Variants in MAGOHB observed in about 807,000 individuals in gnomAD.
MAGOHB encodes the protein protein mago nashi homolog 2.
Under a neutral mutation model 20.9 loss-of-function variants are expected in MAGOHB, and 15 were observed. That is an observed-to-expected ratio of 0.72 (90% CI 0.48 to 1.11). The LOEUF (loss-of-function observed/expected upper bound fraction) is 1.11. Among genes scored for constraint, MAGOHB ranks in the 50% least tolerant of loss-of-function variants. MAGOHB has a pLI of 0.00. For synonymous variants in MAGOHB, 50 were observed against 57.9 expected (o/e 0.86, Z 0.62); for missense variants, 162 against 177.6 (o/e 0.91, Z 0.50).
chr12:10,613,186 G>A (rs1865780664), intron 1 of MAGOHB, among the ~76,000 whole-genome samples: 1 of 152,190 alleles, frequency 6.6e-6, no homozygotes, highest in African/African-American at 2.4e-5. Flanking sequence ...CGACGATCTA[G>A]AGTCCCTTCT....
At chr12:10,610,531 G>A (rs975823854) in intron 2 of MAGOHB, 91 bp downstream of exon 2, 4 of 1,333,112 alleles carry the variant, frequency 3.0e-6, no homozygotes, top group African/African-American at 3.4e-5. Flanking sequence ...AGCCTTAGAT[G>A]TACTTTTTTA....
chr12:10,613,521 A>G lies in MAGOHB; in HGVS notation c.12T>C (p.Ala4=). 2 of 1,613,808 alleles carry G rather than the reference A, an allele frequency of 1.2e-6. No homozygotes were observed. The highest frequency in any genetic ancestry group is 8.5e-7 in the Non-Finnish European group (1 of 1,179,714). The change falls in exon 1 of 5, where the codon GCT becomes GCC. Residue 4 remains alanine, a synonymous_variant. Coordinates refer to ENST00000320756, the MANE Select transcript of MAGOHB (RefSeq NM_018048.5). ...CGTAGTAGCGCAGGTAGAAATCGCT[A>G]GCCACAGCCATTTTTGTACCCGGGA... is the stretch of plus-strand genomic sequence containing the variant. MAV[A]SDFYLRYYVG...
downstream of MAGOHB, among the ~76,000 whole-genome samples, chr12:10,601,544 T>C (rs948478872): frequency 1.3e-5 from 2 of 152,202 alleles, no homozygotes; most frequent in African/African-American, 4.8e-5. Context: ...GCAAGTTACT[T>C]CATTTCTCTA....
intron 1 of MAGOHB, among the ~76,000 whole-genome samples, chr12:10,611,747 CAAAAAAAAAAAAAAAAAAAAA>C (rs1042294332): frequency 1.4e-4 from 4 of 27,686 alleles, no homozygotes; most frequent in Non-Finnish European, 2.9e-4. Flanking sequence ...GACTCTGTCT[CAAAAAAAAAAAAAAAAAAAAA>C]AAAAAAAGAA....
At chr12:10,600,458 A>T (rs1865543662), downstream of MAGOHB, among the ~76,000 whole-genome samples, 1 of 152,074 alleles carries the variant, frequency 6.6e-6, no homozygotes, top group Admixed American at 6.5e-5. Flanking sequence ...ATATGTATTT[A>T]AAGAACTCTA....
downstream of MAGOHB, among the ~76,000 whole-genome samples, chr12:10,603,732 C>T (rs1322262610): frequency 6.6e-6 from 1 of 152,202 alleles, no homozygotes; most frequent in Non-Finnish European, 1.5e-5. Flanking sequence ...ATACGGAAGT[C>T]AGCCAAGGCA....
At chr12:10,602,364 C>T (rs1043985893), downstream of MAGOHB, among the ~76,000 whole-genome samples, 9 of 152,194 alleles carry the variant, frequency 5.9e-5, no homozygotes, top group Admixed American at 2.0e-4. Context: ...CAGAATGAAA[C>T]TGACGACGGG....
intron 3 of MAGOHB, 81 bp from the exon 4 acceptor site, chr12:10,608,017 A>G (rs1865659826): frequency 1.2e-6 from 1 of 820,168 alleles, no homozygotes; most frequent in Non-Finnish European, 1.9e-6. Context: ...AGCAGATCCC[A>G]ATTTTAGTTG....
chr12:10,606,665 C>T (rs1865635247), intron 4 of MAGOHB, among the ~76,000 whole-genome samples: 1 of 151,738 alleles, frequency 6.6e-6, no homozygotes, highest in South Asian at 2.1e-4. Context: ...TACTGTAATG[C>T]TACCATTTCA....
rs1865607682 is a variant in MAGOHB, at chr12:10,605,352, C to T, written c.*923G>A. On this transcript the variant is annotated 3_prime_UTR_variant, in exon 5 of 5. Transcript: ENST00000320756. Reference sequence around the variant, plus strand: ...TATTCCACCCAAAATTCAGTGCTAACTTGTTCCTAGGGCAAGTGGATTATA... The same window carrying T: ...TATTCCACCCAAAATTCAGTGCTAATTTGTTCCTAGGGCAAGTGGATTATA... 6.6e-6 allele frequency: 1 copy of T among 152,162 alleles called. No homozygotes were observed. The highest frequency in any genetic ancestry group is 2.4e-5 in the African/African-American group (1 of 41,440). The allele number at this position is 152,162 out of a possible 1,614,324, so 9.4% of individuals were successfully genotyped here.
chr12:10,613,501 T>C lies in MAGOHB; in HGVS notation c.32A>G (p.Tyr11Cys), dbSNP rs1865790983. MAVASDFYLR[Y>C]YVGHKGKFGH... ...AAACTTGCCCTTGTGCCCTACGTAG[T>C]AGCGCAGGTAGAAATCGCTAGCCAC... The change falls in exon 1 of 5, where the codon TAC (tyrosine) becomes TGC (cysteine). Residue 11 changes from tyrosine (Y) to cysteine (C), a missense_variant. Physicochemically the swap from Tyr to Cys is radical, Grantham distance 194. Transcript: ENST00000320756. 2 of 1,613,724 alleles carry C rather than the reference T, an allele frequency of 1.2e-6. No homozygotes were observed. Among genetic ancestry groups the C allele is most frequent in the Non-Finnish European group, 1.7e-6 (2 of 1,179,800 alleles).
intron 1 of MAGOHB, 89 bp from the exon 2 acceptor site, chr12:10,610,769 T>G (rs534308699): frequency 8.6e-7 from 1 of 1,157,782 alleles, no homozygotes; most frequent in Admixed American, 2.8e-5. Context: ...AAAGACCATT[T>G]TATACTACTA....
At chr12:10,610,598 A>T in intron 2 of MAGOHB, 24 bp downstream of exon 2, 1 of 1,388,838 alleles carries the variant, frequency 7.2e-7, no homozygotes, top group Non-Finnish European at 9.5e-7. Flanking sequence ...AAAAAAAAAA[A>T]AAAGACATTC....
At chr12:10,607,465 A>AT (rs573091595) in intron 4 of MAGOHB, among the ~76,000 whole-genome samples, 228 of 152,224 alleles carry the variant, frequency 1.5e-3, no homozygotes, top group Non-Finnish European at 2.3e-3. Context: ...GCCATAATGG[A>AT]TTTTTTCCAT....
At chr12:10,609,546 C>T in intron 3 of MAGOHB, 1 of 433,740 alleles carries the variant, frequency 2.3e-6, no homozygotes, top group South Asian at 2.4e-5. Context: ...GATTAACACA[C>T]AACAGAAATT....
At chr12:10,611,197 TG>T (rs550765352) in intron 1 of MAGOHB, among the ~76,000 whole-genome samples, 25 of 152,288 alleles carry the variant, frequency 1.6e-4, no homozygotes, top group African/African-American at 5.8e-4. Context: ...TACACCAAAA[TG>T]TTCTCTTTTA....
In MAGOHB at chr12:10,612,757, C is replaced by T. The variant is rs1490153674; in HGVS notation, c.94+682G>A. On this transcript the variant is annotated intron_variant, in intron 1 of 4. Transcript: ENST00000320756. ...GTAGGCAAGATCAATGTAACATTCTCTAAGGATAGCGCTGTCAGAAAACAC... is the reference window on the plus strand; with the variant it reads ...GTAGGCAAGATCAATGTAACATTCTTTAAGGATAGCGCTGTCAGAAAACAC... 1.6e-5 allele frequency: 20 copies of T among 1,219,552 alleles called. No individual in the cohort carries two copies. The South Asian group carries it at 2.6e-4, about 16-fold the overall frequency. 75.5% of individuals were successfully genotyped at this position (1,219,552 alleles called of 1,614,324 possible).
chr12:10,609,790 T>G, intron 3 of MAGOHB, 41 bp downstream of exon 3: 2 of 1,249,966 alleles, frequency 1.6e-6, no homozygotes, highest in Non-Finnish European at 2.3e-6. Flanking sequence ...GTATTATCAA[T>G]TTTTAATATT....
chr12:10,611,139 A>G (rs1591665507), intron 1 of MAGOHB, among the ~76,000 whole-genome samples: 1 of 152,234 alleles, frequency 6.6e-6, no homozygotes, highest in African/African-American at 2.4e-5. Flanking sequence ...GGGTCACACA[A>G]GATTCAGATC....
Sources: gnomAD v4.1 joint callset for allele counts (sites outside exome capture counted in the v4.1 genomes callset) on GRCh38, gnomAD v4.1.1 for gene constraint, MANE v1.5 for transcripts, NCBI Gene and HGNC (gene_info 2026-07-23, HGNC 2026-07-21) for gene names.